Variants in PHF21B observed in about 807,000 individuals in gnomAD.
The protein encoded by PHF21B is PHD finger protein 4.
PHF21B carries 22 observed loss-of-function variants against 62.2 expected under a neutral mutation model. That is an observed-to-expected ratio of 0.35 (90% CI 0.25 to 0.51). The LOEUF (loss-of-function observed/expected upper bound fraction) is 0.51. PHF21B is among the 20% of genes least tolerant of loss of function. PHF21B has a pLI of 0.97. For missense variants in PHF21B, 701 were observed against 707.9 expected, an observed-to-expected ratio of 0.99 and a Z score of 0.11; for synonymous variants, 341 against 314.7, an observed-to-expected ratio of 1.08 and a Z score of -0.88.
At chr22:44,949,301 C>CAAAAAAAAAAAA (rs1173438062) in intron 2 of PHF21B, among the ~76,000 whole-genome samples, 4 of 42,456 alleles carry the variant, frequency 9.4e-5, no homozygotes, top group Admixed American at 6.8e-4. Context: ...AACTCCATCT[C>CAAAAAAAAAAAA]AAAAAAAAGA....
chr22:44,973,356 A>T (rs1467841177), intron 2 of PHF21B, among the ~76,000 whole-genome samples: 1 of 152,252 alleles, frequency 6.6e-6, no homozygotes, highest in African/African-American at 2.4e-5. Context: ...AAAGTTAAGC[A>T]AACTGAAAAT....
rs556620015 is a variant in PHF21B, at chr22:44,931,399, G to A, written c.121-10909C>T. 1.6e-4 allele frequency among the ~76,000 whole-genome samples: 25 copies of A among 152,256 alleles called. No individual in the cohort carries two copies. The East Asian group carries it at 4.6e-3, about 28-fold the overall frequency. On this transcript the variant is annotated intron_variant, in intron 2 of 12. Transcript: ENST00000313237. ...GACCCTGACCAAAGCCAGGCCGGCC[G>A]AGGCAGGCTGCCCAGGGCCACTTAA...
chr22:44,963,629 A>T (rs989466890), intron 2 of PHF21B, among the ~76,000 whole-genome samples: 1 of 152,256 alleles, frequency 6.6e-6, no homozygotes, highest in Non-Finnish European at 1.5e-5. Flanking sequence ...CACTCACCGC[A>T]GACTTTGTTT....
At chr22:44,925,863 G>A (rs1440116175) in intron 2 of PHF21B, among the ~76,000 whole-genome samples, 4 of 152,174 alleles carry the variant, frequency 2.6e-5, no homozygotes, top group South Asian at 2.1e-4. Flanking sequence ...TGATCTCCCC[G>A]CCCCTGGCCT....
intron 2 of PHF21B, among the ~76,000 whole-genome samples, chr22:44,994,131 G>A (rs2073083322): frequency 6.6e-6 from 1 of 152,254 alleles, no homozygotes; most frequent in African/African-American, 2.4e-5. Context: ...CCCGCAACGT[G>A]AATCCAAGGT....
intron 2 of PHF21B, among the ~76,000 whole-genome samples, chr22:44,937,386 C>T (rs571519189): frequency 7.2e-4 from 109 of 152,324 alleles, no homozygotes; most frequent in Non-Finnish European, 1.4e-3. Context: ...CACAGGTGCA[C>T]ACTCAGCACA....
intron 2 of PHF21B, among the ~76,000 whole-genome samples, chr22:44,964,832 T>C (rs979646551): frequency 1.3e-5 from 2 of 152,224 alleles, no homozygotes; most frequent in African/African-American, 4.8e-5. Flanking sequence ...AAACTGGGCC[T>C]GAAGCCGCCT....
At chr22:44,908,284 A>C (rs920129213) in intron 5 of PHF21B, among the ~76,000 whole-genome samples, 8 of 152,060 alleles carry the variant, frequency 5.3e-5, no homozygotes, top group African/African-American at 1.9e-4. Flanking sequence ...CAGCGTCCCC[A>C]TCTGTACCAT....
At chr22:44,923,652 T>C (rs2147320677) in intron 2 of PHF21B, among the ~76,000 whole-genome samples, 1 of 152,170 alleles carries the variant, frequency 6.6e-6, no homozygotes, top group Admixed American at 6.5e-5. Context: ...GACAGAACTC[T>C]TAAAACTCAA....
At chr22:44,983,478 A>G (rs1440792640) in intron 2 of PHF21B, among the ~76,000 whole-genome samples, 1 of 152,206 alleles carries the variant, frequency 6.6e-6, no homozygotes, top group Non-Finnish European at 1.5e-5. Context: ...AGGAAACCGG[A>G]ACAAAGACTG....
intron 2 of PHF21B, among the ~76,000 whole-genome samples, chr22:44,947,369 G>A (rs2072095732): frequency 6.6e-6 from 1 of 152,240 alleles, no homozygotes; most frequent in Admixed American, 6.5e-5. Context: ...CGACGCATGG[G>A]CAGGTGACTG....
intron 2 of PHF21B, chr22:45,002,896 C>A (rs1455190282): frequency 6.6e-6 from 1 of 152,282 alleles, no homozygotes; most frequent in African/African-American, 2.4e-5. Context: ...GGGCCATTTT[C>A]CCTTGACAAG....
At chr22:44,942,699 G>C (rs2071982682) in intron 2 of PHF21B, among the ~76,000 whole-genome samples, 1 of 152,186 alleles carries the variant, frequency 6.6e-6, no homozygotes, top group Non-Finnish European at 1.5e-5. Context: ...TGGCCCCTGA[G>C]CTGAGGCCCA....
intron 7 of PHF21B, among the ~76,000 whole-genome samples, chr22:44,892,444 C>T (rs2070983580): frequency 6.6e-6 from 1 of 152,240 alleles, no homozygotes; most frequent in African/African-American, 2.4e-5. Flanking sequence ...CTGCGCGAAA[C>T]GCCTCCCTCC....
chr22:44,945,276 G>A (rs1275043906), intron 2 of PHF21B, among the ~76,000 whole-genome samples: 1 of 152,180 alleles, frequency 6.6e-6, no homozygotes, highest in Non-Finnish European at 1.5e-5. Flanking sequence ...GGACAGGCTC[G>A]CTCTGGGTAG....
intron 2 of PHF21B, among the ~76,000 whole-genome samples, chr22:44,988,365 G>C (rs1373700856): frequency 6.6e-6 from 1 of 152,198 alleles, no homozygotes; most frequent in Non-Finnish European, 1.5e-5. Context: ...AGGAGGCTGA[G>C]GTGGGAGGAT....
intron 6 of PHF21B, 105 bp downstream of exon 6, chr22:44,895,927 G>A (rs1386487924): frequency 1.8e-5 from 22 of 1,240,348 alleles, no homozygotes; most frequent in Middle Eastern, 2.5e-4. Context: ...CACCCATATC[G>A]GCTGCTGCTG....
chr22:44,952,718 A>G (rs549770867), intron 2 of PHF21B, among the ~76,000 whole-genome samples: 2 of 152,228 alleles, frequency 1.3e-5, no homozygotes, highest in African/African-American at 4.8e-5. Flanking sequence ...GAAGAGTATA[A>G]GAGTCTGATT....
chr22:44,999,754 C>T (rs905751844), intron 2 of PHF21B, among the ~76,000 whole-genome samples: 2 of 152,112 alleles, frequency 1.3e-5, no homozygotes, highest in African/African-American at 2.4e-5. Flanking sequence ...AACTGGACCA[C>T]GGCTTCTCTA....
Sources: gnomAD v4.1 joint callset for allele counts (sites outside exome capture counted in the v4.1 genomes callset) on GRCh38, gnomAD v4.1.1 for gene constraint, MANE v1.5 for transcripts, NCBI Gene and HGNC (gene_info 2026-07-23, HGNC 2026-07-21) for gene names.